Variants in WDFY2 observed in about 807,000 individuals in gnomAD.
The protein encoded by WDFY2 is WD repeat and FYVE domain-containing protein 2.
In WDFY2, 36 loss-of-function variants were observed where a neutral mutation model predicts 56.4. The observed-to-expected ratio is 0.64, with a 90% CI of 0.49 to 0.84. WDFY2 has a LOEUF of 0.84. WDFY2 is among the 40% of genes least tolerant of loss of function. The pLI, the probability that WDFY2 is intolerant of heterozygous loss-of-function variation, is 0.00. For synonymous variants in WDFY2, 176 were observed against 183.7 expected, an observed-to-expected ratio of 0.96 and a Z score of 0.34; for missense variants, 444 against 512.2, an observed-to-expected ratio of 0.87 and a Z score of 1.29.
At chr13:51,626,252 G>A (rs1434857379) in intron 1 of WDFY2, among the ~76,000 whole-genome samples, 1 of 152,218 alleles carries the variant, frequency 6.6e-6, no homozygotes, top group African/African-American at 2.4e-5. Flanking sequence ...ACAATAGAAA[G>A]AAGATAGGGT....
At chr13:51,721,467 A>T (rs1386276502) in intron 5 of WDFY2, among the ~76,000 whole-genome samples, 1 of 152,004 alleles carries the variant, frequency 6.6e-6, no homozygotes, top group Non-Finnish European at 1.5e-5. Flanking sequence ...ATTTGCCCTG[A>T]CTGTTGTCTT....
At position 51,755,330 on chromosome 13, in the gene WDFY2, T is replaced by C. The variant is rs748194953; in HGVS notation, c.832-28T>C. 1.0e-5 allele frequency: 16 copies of C among 1,607,952 alleles called. No individual in the cohort carries two copies. In the Admixed American group the frequency reaches 1.5e-4, roughly 15 times the overall value. On this transcript the variant is annotated intron_variant, in intron 8 of 11. Transcript: ENST00000298125. The stretch of plus-strand genomic sequence containing the variant: ...CCATTGTCCTGACTGCTGGCCACAG[T>C]GACCTGTTCTGTGCTTTATTTGACA...
intron 1 of WDFY2, among the ~76,000 whole-genome samples, chr13:51,627,690 G>A (rs549407467): frequency 1.3e-5 from 2 of 152,206 alleles, no homozygotes; most frequent in Admixed American, 6.5e-5. Flanking sequence ...AGCTGGGTCC[G>A]TAGTTCTAAT....
At chr13:51,703,263 G>A (rs990089359) in intron 3 of WDFY2, among the ~76,000 whole-genome samples, 1 of 152,154 alleles carries the variant, frequency 6.6e-6, no homozygotes, top group African/African-American at 2.4e-5. Context: ...TTAGAGCCTT[G>A]CAAATTTTTA....
intron 6 of WDFY2, among the ~76,000 whole-genome samples, chr13:51,730,123 C>T (rs1415676398): frequency 6.6e-6 from 1 of 152,182 alleles, no homozygotes; most frequent in African/African-American, 2.4e-5. Flanking sequence ...CAGCATAATG[C>T]CCTCAAGGTT....
rs928729899 is a variant in WDFY2 at position 51,584,504 on chromosome 13, G to A, written c.-184G>A. On this transcript the variant is annotated 5_prime_UTR_variant, in exon 1 of 12. Coordinates refer to ENST00000298125, the MANE Select transcript of WDFY2 (RefSeq NM_052950.4). The stretch of plus-strand genomic sequence containing the variant: ...CATCCCAGGTCGTGGCGGTTTTGGT[G>A]CCTGAAGCAGGGAGCGCGGAGTCGT... 9 of 778,746 alleles carry A rather than the reference G, an allele frequency of 1.2e-5. No homozygotes were observed. The highest frequency in any genetic ancestry group is 1.8e-5 in the African/African-American group (1 of 55,494). 48.2% of individuals were successfully genotyped at this position (778,746 alleles called of 1,614,324 possible). A position where few individuals can be genotyped will look rare whatever the true frequency, so the allele number is the denominator to read the frequency against.
In WDFY2 at chr13:51,764,371, T is replaced by C. The variant is rs1953681796; in HGVS notation, c.*4602T>C. On this transcript the variant is annotated 3_prime_UTR_variant, in exon 12 of 12. Coordinates refer to ENST00000298125, the MANE Select transcript of WDFY2 (RefSeq NM_052950.4). The stretch of plus-strand genomic sequence containing the variant: ...GGGGCTTCACAGAGGAAAGGGACTT[T>C]GAGCTCAGTGTTAAAGGATGAGGAG... 6.6e-6 allele frequency: 1 copy of C among 152,338 alleles called. No individual in the cohort carries two copies. Among genetic ancestry groups the C allele is most frequent in the South Asian group, 2.1e-4 (1 of 4,836 alleles). The allele number at this position is 152,338 out of a possible 1,614,324, so 9.4% of individuals were successfully genotyped here. A position where few individuals can be genotyped will look rare whatever the true frequency, so the allele number is the denominator to read the frequency against.
At chr13:51,700,740 C>A (rs1951965870) in intron 3 of WDFY2, among the ~76,000 whole-genome samples, 2 of 151,498 alleles carry the variant, frequency 1.3e-5, no homozygotes. Flanking sequence ...CTGAGACAGG[C>A]AGATCACCTG....
chr13:51,760,157 T>G lies in WDFY2; in HGVS notation c.*388T>G, dbSNP rs1289939065. On this transcript the variant is annotated 3_prime_UTR_variant, in exon 12 of 12. Transcript: ENST00000298125. The stretch of plus-strand genomic sequence containing the variant: ...TCAGAGTATTTTGGTCATTATACTT[T>G]CTGTGTTTACTTCAACATGTGTCAC... 1 of 167,976 alleles carries G rather than the reference T, an allele frequency of 6.0e-6. No homozygotes were observed. The highest frequency in any genetic ancestry group is 1.3e-5 in the Non-Finnish European group (1 of 78,378). 10.4% of individuals were successfully genotyped at this position (167,976 alleles called of 1,614,324 possible).
chr13:51,746,502 T>G (rs1441467602), intron 7 of WDFY2, among the ~76,000 whole-genome samples: 1 of 152,256 alleles, frequency 6.6e-6, no homozygotes, highest in Admixed American at 6.5e-5. Context: ...TAGTCATATC[T>G]GATTCAATGA....
rs1476714496 is a variant in WDFY2, at chr13:51,720,498, G to A, written c.485+1150G>A. ...TTACTTTTTAAAAGCCAATTCAGAT[G>A]AGCATAATACTTAAGTTGAAATACA... On this transcript the variant is annotated intron_variant, in intron 5 of 11. Transcript: ENST00000298125. 2.0e-5 allele frequency among the ~76,000 whole-genome samples: 3 copies of A among 152,158 alleles called. No homozygotes were observed. The South Asian group carries it at 6.2e-4, about 32-fold the overall frequency.
At chr13:51,630,936 G>A (rs901566491) in intron 1 of WDFY2, among the ~76,000 whole-genome samples, 3 of 151,180 alleles carry the variant, frequency 2.0e-5, no homozygotes, top group Admixed American at 6.6e-5. Context: ...GTGCCACCAC[G>A]CCCAGCTAAT....
chr13:51,727,470 G>GAAGTA (rs1952628729), intron 5 of WDFY2, among the ~76,000 whole-genome samples: 1 of 152,174 alleles, frequency 6.6e-6, no homozygotes, highest in Non-Finnish European at 1.5e-5. Flanking sequence ...TTAGGAGCAA[G>GAAGTA]AAGTGACATC....
chr13:51,631,303 A>G (rs1036091672), intron 1 of WDFY2, among the ~76,000 whole-genome samples: 1 of 151,146 alleles, frequency 6.6e-6, no homozygotes, highest in African/African-American at 2.4e-5. Flanking sequence ...AGGTGGGAGG[A>G]TCACTTGAGA....
At chr13:51,693,308 T>C (rs545642290) in intron 3 of WDFY2, among the ~76,000 whole-genome samples, 2 of 152,150 alleles carry the variant, frequency 1.3e-5, no homozygotes, top group Non-Finnish European at 2.9e-5. Context: ...CTGCTTTCTC[T>C]TGTGGGCATT....
intron 1 of WDFY2, among the ~76,000 whole-genome samples, chr13:51,605,366 T>C (rs1206132472): frequency 1.3e-5 from 2 of 152,140 alleles, no homozygotes; most frequent in Non-Finnish European, 2.9e-5. Flanking sequence ...AAAATGAGGA[T>C]AGAAATAGAA....
At chr13:51,663,885 G>A (rs1409580368) in intron 2 of WDFY2, among the ~76,000 whole-genome samples, 1 of 152,166 alleles carries the variant, frequency 6.6e-6, no homozygotes, top group Non-Finnish European at 1.5e-5. Context: ...ATAATAAGTA[G>A]CATTCCAAGT....
intron 1 of WDFY2, among the ~76,000 whole-genome samples, chr13:51,629,485 A>AT (rs1299427788): frequency 1.3e-5 from 2 of 152,112 alleles, no homozygotes; most frequent in Non-Finnish European, 2.9e-5. Context: ...CTATTTACCT[A>AT]TTTTTTAGTT....
intron 3 of WDFY2, among the ~76,000 whole-genome samples, chr13:51,695,846 G>T (rs549463974): frequency 2.0e-5 from 3 of 152,210 alleles, no homozygotes; most frequent in African/African-American, 4.8e-5. Flanking sequence ...TGGAGCTTCC[G>T]GGCTGCTTTG....
Sources: gnomAD v4.1 joint callset for allele counts (sites outside exome capture counted in the v4.1 genomes callset) on GRCh38, gnomAD v4.1.1 for gene constraint, MANE v1.5 for transcripts, NCBI Gene and HGNC (gene_info 2026-07-23, HGNC 2026-07-21) for gene names.